Variants in CYSTM1 observed in about 807,000 individuals in gnomAD.
CYSTM1 encodes cysteine-rich transmembrane module-containing protein 1.
A neutral mutation model predicts 13.1 loss-of-function variants in CYSTM1; 4 were observed. The ratio of observed to expected loss-of-function variants is 0.31; its 90% CI spans 0.15 to 0.70. CYSTM1 has a LOEUF of 0.70. CYSTM1 is among the 30% of genes least tolerant of loss of function. The pLI is 0.72. For synonymous variants in CYSTM1, 36 were observed against 42.7 expected (o/e 0.84, Z 0.62); for missense variants, 96 against 121.6 (o/e 0.79, Z 0.99).
intron 2 of CYSTM1, among the ~76,000 whole-genome samples, chr5:140,199,730 G>A (rs1764204261): frequency 6.6e-6 from 1 of 152,102 alleles, no homozygotes; most frequent in Non-Finnish European, 1.5e-5. Flanking sequence ...CTAGTGTTCT[G>A]CCCACCTTGG....
chr5:140,178,505 A>G (rs1343986733), intron 1 of CYSTM1, among the ~76,000 whole-genome samples: 3 of 127,476 alleles, frequency 2.4e-5, no homozygotes, highest in African/African-American at 9.3e-5. Flanking sequence ...GTTGGTCTCT[A>G]ACTCCTGGGT....
At chr5:140,241,718 T>C (rs1444811387) in intron 2 of CYSTM1, among the ~76,000 whole-genome samples, 1 of 152,038 alleles carries the variant, frequency 6.6e-6, no homozygotes, top group Non-Finnish European at 1.5e-5. Flanking sequence ...TCCAGGCAGA[T>C]GGAAGGGACA....
In CYSTM1 at chr5:140,243,499, C is replaced by A; in HGVS notation, c.*88C>A. The A allele has an allele frequency of 9.2e-7, 1 of 1,089,466 alleles. No homozygotes were observed. The highest frequency in any genetic ancestry group is 1.3e-6 in the Non-Finnish European group (1 of 742,166). The allele number at this position is 1,089,466 out of a possible 1,614,324, so 67.5% of individuals were successfully genotyped here. A position where few individuals can be genotyped will look rare whatever the true frequency, so the allele number is the denominator to read the frequency against. On this transcript the variant is annotated 3_prime_UTR_variant, in exon 3 of 3. Coordinates refer to ENST00000261811, the MANE Select transcript of CYSTM1 (RefSeq NM_032412.4). ...CCCCATCTCTTCTGATTGCTGTTAA[C>A]AAATGACTAGCTTTGCACAGACACC...
chr5:140,221,362 A>G (rs183011380), intron 2 of CYSTM1, among the ~76,000 whole-genome samples: 1 of 152,266 alleles, frequency 6.6e-6, no homozygotes, highest in Non-Finnish European at 1.5e-5. Flanking sequence ...CCTGTTGAAC[A>G]ACAACTCACC....
In CYSTM1 at chr5:140,175,531, G is replaced by C. The variant is rs1431174112; in HGVS notation, c.-21+246G>C. Among the ~76,000 whole-genome samples, 1 of 152,252 alleles carries C rather than the reference G, an allele frequency of 6.6e-6. No homozygotes were observed. The highest frequency in any genetic ancestry group is 6.5e-5 in the Admixed American group (1 of 15,292). On this transcript the variant is annotated intron_variant, in intron 1 of 2. Transcript: ENST00000261811. The surrounding 1 kb of genome is among the most constrained non-coding windows in gnomAD (Gnocchi z 4.9). ...GGGGCTCCTGGTCGCCGCGCCGCGCGTCTCGGCGGTGGACTCACAGGGTCT... is the reference window on the plus strand; with the variant it reads ...GGGGCTCCTGGTCGCCGCGCCGCGCCTCTCGGCGGTGGACTCACAGGGTCT...
rs1491024017 is a variant in CYSTM1 at position 140,226,505 on chromosome 5, A to ATATATTTATATATATATAATATAT, written c.188-16800_188-16799insTATATTTATATATATATAATATAT. Among the ~76,000 whole-genome samples the ATATATTTATATATATATAATATAT allele has an allele frequency of 1.7e-3, 135 of 80,428 alleles. 1 individual carries two copies. Among genetic ancestry groups the ATATATTTATATATATATAATATAT allele is most frequent in the African/African-American group, 5.5e-3 (130 of 23,628 alleles). The allele number at this position is 80,428 out of a possible 152,430, so 52.8% of individuals were successfully genotyped here. Reference sequence around the variant, plus strand: ...TATTTATATATATATAATATATATAAATATATATTAATAATATATAATATA... The same window carrying ATATATTTATATATATATAATATAT: ...TATTTATATATATATAATATATATAATATATTTATATATATATAATATATATATATATTAATAATATATAATATA... On this transcript the variant is annotated intron_variant, in intron 2 of 2. Coordinates refer to ENST00000261811, the MANE Select transcript of CYSTM1 (RefSeq NM_032412.4).
At chr5:140,187,817 C>T (rs560805346) in intron 1 of CYSTM1, among the ~76,000 whole-genome samples, 1 of 152,132 alleles carries the variant, frequency 6.6e-6, no homozygotes, top group South Asian at 2.1e-4. Flanking sequence ...TGGTTTTTTA[C>T]CCCAAGTCTG....
chr5:140,241,549 G>T (rs1006041047), intron 2 of CYSTM1, among the ~76,000 whole-genome samples: 13 of 152,250 alleles, frequency 8.5e-5, no homozygotes, highest in Non-Finnish European at 1.8e-4. Flanking sequence ...GCTATTTCCA[G>T]AGCTGGCAGG....
At chr5:140,179,637 A>G (rs1187534030) in intron 1 of CYSTM1, among the ~76,000 whole-genome samples, 4 of 148,592 alleles carry the variant, frequency 2.7e-5, no homozygotes, top group Non-Finnish European at 5.9e-5. Context: ...AGTAAAGCTC[A>G]GATTGTTCAC....
chr5:140,234,667 C>T (rs903865006), intron 2 of CYSTM1, among the ~76,000 whole-genome samples: 3 of 152,108 alleles, frequency 2.0e-5, no homozygotes, highest in African/African-American at 7.2e-5. Flanking sequence ...GTATACTATT[C>T]ATTAAATTGG....
chr5:140,217,664 C>T (rs924032182), intron 2 of CYSTM1, among the ~76,000 whole-genome samples: 8 of 152,180 alleles, frequency 5.3e-5, no homozygotes, highest in African/African-American at 9.7e-5. Flanking sequence ...AGTGGAGTGA[C>T]TCCCTTTCTT....
chr5:140,193,686 A>G (rs1044621399), intron 1 of CYSTM1, among the ~76,000 whole-genome samples: 1 of 152,230 alleles, frequency 6.6e-6, no homozygotes, highest in Non-Finnish European at 1.5e-5. Context: ...CAAGAGAATG[A>G]TTAACAGGCT....
intron 2 of CYSTM1, among the ~76,000 whole-genome samples, chr5:140,196,934 GT>G (rs1764166280): frequency 1.3e-5 from 2 of 152,178 alleles, no homozygotes; most frequent in South Asian, 4.1e-4. Flanking sequence ...GGAATATTCT[GT>G]ATCTTAATCT....
intron 2 of CYSTM1, chr5:140,200,578 T>TTTTTTTTG (rs1764214608): frequency 8.6e-6 from 1 of 116,180 alleles, no homozygotes; most frequent in African/African-American, 3.2e-5. Context: ...TTTTTTTTTT[T>TTTTTTTTG]GAGGCAGAGT....
At chr5:140,197,951 T>C (rs1217378289) in intron 2 of CYSTM1, among the ~76,000 whole-genome samples, 2 of 152,196 alleles carry the variant, frequency 1.3e-5, no homozygotes, top group African/African-American at 4.8e-5. Flanking sequence ...GTTTATGTTT[T>C]AGAATTCATG....
chr5:140,178,441 C>CTTTTTTTTTTTTTTTGTTT (rs1763918170), intron 1 of CYSTM1, among the ~76,000 whole-genome samples: 1 of 52,628 alleles, frequency 1.9e-5, no homozygotes, highest in Non-Finnish European at 3.3e-5. Flanking sequence ...CAAGTCCTTC[C>CTTTTTTTTTTTTTTTGTTT]TTTTTTTTTT....
intron 2 of CYSTM1, among the ~76,000 whole-genome samples, chr5:140,224,762 C>T (rs1407459563): frequency 6.6e-6 from 1 of 152,124 alleles, no homozygotes; most frequent in Admixed American, 6.5e-5. Context: ...TTCAAGGGAT[C>T]CTCCCGCCTC....
chr5:140,206,679 G>A (rs1764302600), intron 2 of CYSTM1, among the ~76,000 whole-genome samples: 1 of 152,140 alleles, frequency 6.6e-6, no homozygotes, highest in African/African-American at 2.4e-5. Context: ...CACCCAGGCT[G>A]GAGTATAGTG....
chr5:140,226,782 G>A (rs1764562237), intron 2 of CYSTM1, among the ~76,000 whole-genome samples: 1 of 147,152 alleles, frequency 6.8e-6, no homozygotes, highest in Middle Eastern at 3.4e-3. Flanking sequence ...AAAAAAAAAT[G>A]TGGAGGGGAT....
Sources: gnomAD v4.1 joint callset for allele counts (sites outside exome capture counted in the v4.1 genomes callset) on GRCh38, gnomAD v4.1.1 for gene constraint, Gnocchi (gnomAD v3.1) non-coding constraint, MANE v1.5 for transcripts, NCBI Gene and HGNC (gene_info 2026-07-23, HGNC 2026-07-21) for gene names.